Variants in MEI4 observed in about 807,000 individuals in gnomAD.
The protein encoded by MEI4 is meiotic double-stranded break formation protein 4, also known as meiosis-specific protein MEI4.
In MEI4, 27 loss-of-function variants were observed where a neutral mutation model predicts 31.4. The ratio of observed to expected loss-of-function variants is 0.86; its 90% CI spans 0.63 to 1.19. MEI4 has a LOEUF of 1.19. MEI4 is among the 50% of genes most tolerant of loss of function. The probability of loss-of-function intolerance (pLI) is 0.00; values close to 1 mark genes in which losing one functional copy is unlikely to be tolerated. For missense variants in MEI4, 329 were observed against 398.9 expected, an observed-to-expected ratio of 0.82 and a Z score of 1.49; for synonymous variants, 122 against 145.4, an observed-to-expected ratio of 0.84 and a Z score of 1.16.
intron 1 of MEI4, among the ~76,000 whole-genome samples, chr6:77,657,275 TAGTTCA>T (rs1768414060): frequency 6.6e-6 from 1 of 152,236 alleles, no homozygotes; most frequent in South Asian, 2.1e-4. Flanking sequence ...CTTCAGAGAA[TAGTTCA>T]AGTGGGCTGA....
At chr6:77,703,286 A>G (rs1375693490) in intron 2 of MEI4, among the ~76,000 whole-genome samples, 2 of 152,230 alleles carry the variant, frequency 1.3e-5, no homozygotes, top group Non-Finnish European at 2.9e-5. Flanking sequence ...AGTAGAATAC[A>G]GAGAGCAACA....
At chr6:77,867,316 A>G (rs1055749055) in intron 4 of MEI4, among the ~76,000 whole-genome samples, 26 of 152,220 alleles carry the variant, frequency 1.7e-4, no homozygotes, top group African/African-American at 5.5e-4. Flanking sequence ...AATTTTTGCA[A>G]TCTACTCATC....
At chr6:77,817,684 TGTG>T (rs1337195271) in intron 3 of MEI4, among the ~76,000 whole-genome samples, 2 of 152,050 alleles carry the variant, frequency 1.3e-5, no homozygotes, top group African/African-American at 4.8e-5. Context: ...TGGGATAAAA[TGTG>T]ATGTTATAAT....
At chr6:77,781,953 G>A (rs942362213) in intron 3 of MEI4, among the ~76,000 whole-genome samples, 17 of 152,080 alleles carry the variant, frequency 1.1e-4, no homozygotes, top group African/African-American at 3.6e-4. Flanking sequence ...GTTACCCACC[G>A]GGTTTCAGGC....
At chr6:77,753,065 C>G (rs1767820896) in intron 2 of MEI4, among the ~76,000 whole-genome samples, 1 of 152,174 alleles carries the variant, frequency 6.6e-6, no homozygotes, top group Non-Finnish European at 1.5e-5. Context: ...AAAGCTGAAA[C>G]TGGATCTCTT....
At chr6:77,827,950 C>T (rs1769994797) in intron 3 of MEI4, among the ~76,000 whole-genome samples, 1 of 151,934 alleles carries the variant, frequency 6.6e-6, no homozygotes, top group Non-Finnish European at 1.5e-5. Context: ...CAGTGTTCTC[C>T]AATAGGATTA....
intron 3 of MEI4, among the ~76,000 whole-genome samples, chr6:77,783,907 G>A (rs1488956891): frequency 3.3e-5 from 5 of 151,786 alleles, no homozygotes; most frequent in Admixed American, 1.3e-4. Flanking sequence ...CAGAAGATAC[G>A]TTCCTTGGAG....
At chr6:77,883,745 A>ATATCTATATATCTATCTAT (rs55947073) in intron 4 of MEI4, among the ~76,000 whole-genome samples, 1 of 82,302 alleles carries the variant, frequency 1.2e-5, no homozygotes, top group African/African-American at 5.0e-5. Flanking sequence ...TATATATATA[A>ATATCTATATATCTATCTAT]CTTTGTCTTT....
intron 4 of MEI4, 103 bp downstream of exon 4, chr6:77,829,165 A>G (rs1326080402): frequency 6.1e-5 from 52 of 846,366 alleles, no homozygotes; most frequent in Non-Finnish European, 7.8e-5. Flanking sequence ...CTGATGTTTT[A>G]GTTATTACCT....
chr6:77,902,707 C>T (rs1430823476), intron 4 of MEI4, among the ~76,000 whole-genome samples: 2 of 152,080 alleles, frequency 1.3e-5, no homozygotes, highest in Admixed American at 6.6e-5. Flanking sequence ...TGATTGCCTC[C>T]TTTAGAGAGG....
In MEI4 at chr6:77,740,357, A is replaced by G. The variant is rs1374365979; in HGVS notation, c.233-20773A>G. Among the ~76,000 whole-genome samples the G allele has an allele frequency of 2.0e-5, 3 of 152,082 alleles. No homozygotes were observed. The East Asian group carries it at 5.8e-4, about 29-fold the overall frequency. On this transcript the variant is annotated intron_variant, in intron 2 of 4. Transcript: ENST00000684080. ...GATCCAGTGATGAGTTGGGTCCTCA[A>G]TATCTTTGTTAATTTTTTGCTTTAA...
intron 2 of MEI4, among the ~76,000 whole-genome samples, chr6:77,743,425 C>G (rs1335764588): frequency 2.0e-5 from 3 of 152,088 alleles, no homozygotes; most frequent in Non-Finnish European, 4.4e-5. Flanking sequence ...CTCTGTTTGT[C>G]TGTTATTGGT....
At chr6:77,882,465 G>A (rs954900176) in intron 4 of MEI4, among the ~76,000 whole-genome samples, 1 of 152,112 alleles carries the variant, frequency 6.6e-6, no homozygotes, top group Non-Finnish European at 1.5e-5. Flanking sequence ...ACTCTGAAAG[G>A]CCCAGAAAGT....
chr6:77,701,960 A>AG (rs1441643773), intron 2 of MEI4, among the ~76,000 whole-genome samples: 1 of 152,120 alleles, frequency 6.6e-6, no homozygotes, highest in Non-Finnish European at 1.5e-5. Context: ...CACATTGCTC[A>AG]GGTTGGTCCC....
chr6:77,686,315 T>C (rs980690050), intron 1 of MEI4, among the ~76,000 whole-genome samples: 3 of 152,174 alleles, frequency 2.0e-5, no homozygotes, highest in African/African-American at 7.2e-5. Flanking sequence ...TCAGACTTCC[T>C]CAACTCATGG....
chr6:77,908,506 T>C (rs1404821714), intron 4 of MEI4, among the ~76,000 whole-genome samples: 2 of 152,130 alleles, frequency 1.3e-5, no homozygotes, highest in Non-Finnish European at 2.9e-5. Context: ...CATTGGTCTA[T>C]ATCTCTGTTT....
intron 3 of MEI4, among the ~76,000 whole-genome samples, chr6:77,800,694 A>T (rs1168883578): frequency 6.6e-6 from 1 of 151,252 alleles, no homozygotes; most frequent in Non-Finnish European, 1.5e-5. Flanking sequence ...CAGAATTTTT[A>T]GCATGAAGTG....
At chr6:77,732,114 C>CT (rs1561962690) in intron 2 of MEI4, among the ~76,000 whole-genome samples, 1 of 151,156 alleles carries the variant, frequency 6.6e-6, no homozygotes, top group African/African-American at 2.5e-5. Context: ...GATGCGGGCT[C>CT]TTTTTTGGTT....
chr6:77,720,527 A>G lies in MEI4; in HGVS notation c.232+29624A>G, dbSNP rs1258532876. On this transcript the variant is annotated intron_variant, in intron 2 of 4. Coordinates refer to ENST00000684080, the MANE Select transcript of MEI4 (RefSeq NM_001322247.2). ...AATGTGAATAAGTATCAACTGTTAC[A>G]TGAACATATGATAATCTTCCAAATG... Among the ~76,000 whole-genome samples the G allele has an allele frequency of 7.9e-5, 11 of 138,546 alleles. 1 individual carries two copies. Among genetic ancestry groups the G allele is most frequent in the Middle Eastern group, 3.9e-3 (1 of 254 alleles). The allele number at this position is 138,546 out of a possible 152,430, so 90.9% of individuals were successfully genotyped here.
Sources: allele counts gnomAD v4.1 joint callset (sites outside exome capture counted in the v4.1 genomes callset), GRCh38; gene constraint gnomAD v4.1.1; transcripts MANE v1.5; gene names NCBI Gene and HGNC (gene_info 2026-07-23, HGNC 2026-07-21).